The following ITGA9 variants were observed in gnomAD, a reference collection of about 807,000 sequenced individuals.
ITGA9 encodes the protein integrin alpha-9.
ITGA9 carries 56 observed loss-of-function variants against 127.8 expected under a neutral mutation model. The observed-to-expected ratio is 0.44, with a 90% CI of 0.35 to 0.55. The LOEUF (loss-of-function observed/expected upper bound fraction) is 0.55, where lower values mean the gene tolerates loss of function less well. ITGA9 is among the 20% of genes least tolerant of loss of function. The pLI, the probability that ITGA9 is intolerant of heterozygous loss-of-function variation, is 0.00. For missense variants in ITGA9, 1,196 were observed against 1,347.1 expected (o/e 0.89, Z 1.76); for synonymous variants, 508 against 514.5 (o/e 0.99, Z 0.17).
At chr3:37,466,680 T>C (rs1348460126) in intron 1 of ITGA9, among the ~76,000 whole-genome samples, 2 of 152,152 alleles carry the variant, frequency 1.3e-5, no homozygotes, top group Non-Finnish European at 2.9e-5. Context: ...GAGAGCTTGT[T>C]AAAATGCATT....
intron 15 of ITGA9, among the ~76,000 whole-genome samples, chr3:37,581,038 G>C (rs1224949576): frequency 1.3e-5 from 2 of 152,200 alleles, no homozygotes; most frequent in East Asian, 1.9e-4. Flanking sequence ...GAGGGATGAA[G>C]AGCAGAGTGT....
chr3:37,756,912 A>T (rs563695334), intron 23 of ITGA9, among the ~76,000 whole-genome samples: 1 of 152,218 alleles, frequency 6.6e-6, no homozygotes, highest in Non-Finnish European at 1.5e-5. Flanking sequence ...ACACCATTCA[A>T]ATTAACTTTT....
chr3:37,798,146 A>G (rs1697196489), intron 26 of ITGA9, among the ~76,000 whole-genome samples: 1 of 152,150 alleles, frequency 6.6e-6, no homozygotes. Context: ...GCATGCCACC[A>G]TGCCCAGCTA....
At chr3:37,741,345 G>A (rs1696430671) in intron 20 of ITGA9, among the ~76,000 whole-genome samples, 1 of 146,998 alleles carries the variant, frequency 6.8e-6, no homozygotes, top group Admixed American at 7.1e-5. Context: ...TGGCTCCCAT[G>A]CCCTCAGCTA....
intron 3 of ITGA9, among the ~76,000 whole-genome samples, chr3:37,481,189 A>C (rs1698550214): frequency 1.3e-5 from 2 of 150,844 alleles, no homozygotes; most frequent in Non-Finnish European, 3.0e-5. Flanking sequence ...TATCCTTCCC[A>C]CTCCCAGATT....
intron 15 of ITGA9, among the ~76,000 whole-genome samples, chr3:37,582,776 T>C (rs1383482196): frequency 6.6e-6 from 1 of 152,218 alleles, no homozygotes. Flanking sequence ...CTTTGTCCCA[T>C]TTCTAGTCAG....
At chr3:37,535,836 A>G (rs1575141749) in intron 14 of ITGA9, among the ~76,000 whole-genome samples, 2 of 152,344 alleles carry the variant, frequency 1.3e-5, no homozygotes, top group South Asian at 2.1e-4. Flanking sequence ...CATCCCCAGC[A>G]TGTTTCTGTC....
intron 26 of ITGA9, among the ~76,000 whole-genome samples, chr3:37,796,874 A>C (rs778100227): frequency 1.3e-5 from 2 of 152,218 alleles, no homozygotes; most frequent in Non-Finnish European, 2.9e-5. Flanking sequence ...AGTTTACTGG[A>C]GTCCGTAGAC....
chr3:37,777,348 A>G (rs936299777), intron 23 of ITGA9, 44 bp from the exon 24 acceptor site: 2 of 1,612,114 alleles, frequency 1.2e-6, no homozygotes, highest in South Asian at 1.1e-5. Context: ...ATCATGATTC[A>G]TTCTTGAGAA....
At chr3:37,599,057 G>A (rs1323677778) in intron 15 of ITGA9, among the ~76,000 whole-genome samples, 2 of 152,340 alleles carry the variant, frequency 1.3e-5, no homozygotes, top group South Asian at 4.1e-4. Context: ...TGAGAAGCCA[G>A]CAGGAATGGC....
At chr3:37,741,085 C>T (rs9821154) in intron 20 of ITGA9, among the ~76,000 whole-genome samples, 5 of 152,144 alleles carry the variant, frequency 3.3e-5, no homozygotes, top group East Asian at 3.9e-4. Flanking sequence ...GTCCATTGTT[C>T]GTGGAACAGG....
At chr3:37,641,702 C>T (rs1055135388) in intron 16 of ITGA9, among the ~76,000 whole-genome samples, 3 of 152,146 alleles carry the variant, frequency 2.0e-5, no homozygotes, top group Non-Finnish European at 4.4e-5. Flanking sequence ...CTAAGGCCCA[C>T]GAGAGCCTGT....
chr3:37,740,164 G>A lies in ITGA9; in HGVS notation c.2235-1566G>A, dbSNP rs564127500. Among the ~76,000 whole-genome samples the A allele has an allele frequency of 1.2e-4, 19 of 152,296 alleles. No homozygotes were observed. In the South Asian group the frequency reaches 3.5e-3, roughly 28 times the overall value. On this transcript the variant is annotated intron_variant, in intron 20 of 27. Transcript: ENST00000264741. ...CATTCAGCACTTGCTGGTTGAGAGA[G>A]GAAGGCAGTGGGGCAGGGCTTGGAG...
At chr3:37,545,151 G>C (rs757248469) in intron 15 of ITGA9, among the ~76,000 whole-genome samples, 1 of 152,134 alleles carries the variant, frequency 6.6e-6, no homozygotes, top group Non-Finnish European at 1.5e-5. Context: ...GTTGGTCAGG[G>C]GTCAAGAGCA....
intron 18 of ITGA9, among the ~76,000 whole-genome samples, chr3:37,688,899 G>A (rs560023654): frequency 1.1e-4 from 16 of 151,898 alleles, no homozygotes; most frequent in Non-Finnish European, 8.8e-5. Flanking sequence ...TGAGTGGGTG[G>A]ATAGTTATGT....
At chr3:37,676,059 A>G (rs1245413296) in intron 17 of ITGA9, among the ~76,000 whole-genome samples, 1 of 152,040 alleles carries the variant, frequency 6.6e-6, no homozygotes, top group Non-Finnish European at 1.5e-5. Flanking sequence ...ATTTACTTTC[A>G]TTTTTACCCA....
At chr3:37,777,774 G>A (rs1371722091) in intron 24 of ITGA9, among the ~76,000 whole-genome samples, 1 of 152,174 alleles carries the variant, frequency 6.6e-6, no homozygotes, top group African/African-American at 2.4e-5. Context: ...TCTTCCACTA[G>A]AATGAGTCTA....
intron 26 of ITGA9, among the ~76,000 whole-genome samples, chr3:37,793,286 G>T (rs943861824): frequency 5.9e-5 from 9 of 151,636 alleles, no homozygotes; most frequent in African/African-American, 2.2e-4. Context: ...TCAGAAGGTT[G>T]CCCAGTCCAT....
chr3:37,714,081 C>T (rs1701107462), intron 18 of ITGA9, among the ~76,000 whole-genome samples: 1 of 152,224 alleles, frequency 6.6e-6, no homozygotes, highest in South Asian at 2.1e-4. Context: ...GGAACAAATG[C>T]AGGAGCCATG....
Sources: gnomAD v4.1 joint callset for allele counts (sites outside exome capture counted in the v4.1 genomes callset) on GRCh38, gnomAD v4.1.1 for gene constraint, MANE v1.5 for transcripts, NCBI Gene and HGNC (gene_info 2026-07-23, HGNC 2026-07-21) for gene names.